Variants in CROCC2 observed in about 807,000 individuals in gnomAD.
CROCC2 encodes the protein ciliary rootlet coiled-coil, rootletin family member 2, also known as ciliary rootlet coiled-coil protein 2.
CROCC2 carries 163 observed loss-of-function variants against 177.6 expected under a neutral mutation model. That is an observed-to-expected ratio of 0.92 (90% CI 0.81 to 1.05). The LOEUF (loss-of-function observed/expected upper bound fraction) is 1.05. Among genes scored for constraint, CROCC2 ranks in the 50% least tolerant of loss-of-function variants. The pLI, the probability that CROCC2 is intolerant of heterozygous loss-of-function variation, is 0.00. For synonymous variants in CROCC2, 904 were observed against 787.3 expected (o/e 1.15, Z -2.48); for missense variants, 1,929 against 1,797.8 (o/e 1.07, Z -1.32).
intron 5 of CROCC2, among the ~76,000 whole-genome samples, chr2:240,927,113 T>C (rs566401184): frequency 4.6e-5 from 7 of 152,224 alleles, no homozygotes; most frequent in Non-Finnish European, 8.8e-5. Flanking sequence ...CTTAAAGATA[T>C]GCTTTCTCTT....
chr2:240,931,575 T>C (rs756733620), intron 7 of CROCC2, among the ~76,000 whole-genome samples: 3 of 152,186 alleles, frequency 2.0e-5, no homozygotes, highest in Non-Finnish European at 4.4e-5. Flanking sequence ...GCCGTGATTG[T>C]GGAAGGTTTT....
chr2:240,925,155 A>C (rs1222920571), intron 4 of CROCC2, among the ~76,000 whole-genome samples: 1 of 152,208 alleles, frequency 6.6e-6, no homozygotes, highest in Admixed American at 6.5e-5. Flanking sequence ...AGTGCTGAGA[A>C]ACTTTTGAAA....
At chr2:240,968,293 G>A (rs1312546551) in intron 27 of CROCC2, 31 bp downstream of exon 27, 1 of 1,510,934 alleles carries the variant, frequency 6.6e-7, no homozygotes, top group South Asian at 1.2e-5. Context: ...GGTCCCAGGT[G>A]GGGCACAAGA....
intron 26 of CROCC2, 159 bp downstream of exon 26, chr2:240,967,624 G>A (rs2059691960): frequency 1.0e-6 from 1 of 974,072 alleles, no homozygotes; most frequent in African/African-American, 1.8e-5. Flanking sequence ...TGGCGAGGCT[G>A]GGTCAGCGCT....
At chr2:240,929,103 A>G (rs2059411883) in intron 5 of CROCC2, among the ~76,000 whole-genome samples, 1 of 152,020 alleles carries the variant, frequency 6.6e-6, no homozygotes, top group Non-Finnish European at 1.5e-5. Context: ...CGGAGGGTGT[A>G]TGGCCAGGTG....
In CROCC2 at chr2:240,961,820, C is replaced by CATACACTA. The variant is rs1221222036; in HGVS notation, c.3088-1735_3088-1734insTACACTAA. 1.6e-3 allele frequency among the ~76,000 whole-genome samples: 48 copies of CATACACTA among 30,128 alleles called. 3 individuals are homozygous for CATACACTA. Among genetic ancestry groups the CATACACTA allele is most frequent in the Non-Finnish European group, 4.0e-3 (40 of 9,950 alleles). 19.8% of individuals were successfully genotyped at this position (30,128 alleles called of 152,430 possible). On this transcript the variant is annotated intron_variant, in intron 20 of 31. Transcript: ENST00000690015. ...TCACACATACACTCACATACACTCA[C>CATACACTA]ACACACGCACGCACACATACACTCA...
chr2:240,941,958 A>G (rs1035277420), intron 14 of CROCC2, among the ~76,000 whole-genome samples: 3 of 152,216 alleles, frequency 2.0e-5, no homozygotes, highest in African/African-American at 7.2e-5. Flanking sequence ...GCCTTCCACC[A>G]TGTGAAGGTG....
In CROCC2 at chr2:240,949,848, T is replaced by G. The variant is rs2059543229; in HGVS notation, c.2652+146T>G. ...GGGCTGGGCAAGGACCAGCTCACTC[T>G]TTATAGTTCACGTGGGCATCCAGGG... On this transcript the variant is annotated intron_variant, in intron 17 of 31. Coordinates refer to ENST00000690015, the MANE Select transcript of CROCC2 (RefSeq NM_001351305.2). This position sits in a 1 kb window ranked among gnomAD's most constrained non-coding sequence, Gnocchi z 4.5. 1.2e-6 allele frequency: 1 copy of G among 853,556 alleles called. No individual in the cohort carries two copies. Among genetic ancestry groups the G allele is most frequent in the African/African-American group, 1.7e-5 (1 of 58,304 alleles). The allele number at this position is 853,556 out of a possible 1,614,324, so 52.9% of individuals were successfully genotyped here. A position where few individuals can be genotyped will look rare whatever the true frequency, so the allele number is the denominator to read the frequency against.
intron 1 of CROCC2, among the ~76,000 whole-genome samples, chr2:240,909,399 C>T (rs771708981): frequency 3.9e-5 from 6 of 152,244 alleles, no homozygotes; most frequent in Admixed American, 6.5e-5. Flanking sequence ...ACCTGGAGCT[C>T]GGCCAGCTCT....
chr2:240,955,658 A>AAGGGCCC (rs963504181), intron 18 of CROCC2, among the ~76,000 whole-genome samples: 3 of 152,152 alleles, frequency 2.0e-5, no homozygotes, highest in Non-Finnish European at 2.9e-5. Flanking sequence ...CAGAGGGTGA[A>AAGGGCCC]AGGGCCCAGG....
intron 5 of CROCC2, among the ~76,000 whole-genome samples, chr2:240,926,716 C>T (rs1273773363): frequency 6.6e-6 from 1 of 152,250 alleles, no homozygotes; most frequent in Admixed American, 6.5e-5. Flanking sequence ...CACTCGCCCC[C>T]GAGGTCCCAG....
intron 1 of CROCC2, among the ~76,000 whole-genome samples, chr2:240,916,507 T>G (rs1176794011): frequency 4.0e-5 from 2 of 49,424 alleles, no homozygotes; most frequent in Non-Finnish European, 7.9e-5. Flanking sequence ...CGCTCCCCGC[T>G]CCCCCCGTGT....
intron 26 of CROCC2, 148 bp downstream of exon 26, chr2:240,967,613 C>A: frequency 6.8e-7 from 1 of 1,471,778 alleles, no homozygotes; most frequent in Non-Finnish European, 9.1e-7. Context: ...ACCACCAGGC[C>A]TGGCGAGGCT....
chr2:240,934,113 C>A (rs1221825894), intron 11 of CROCC2, among the ~76,000 whole-genome samples: 1 of 152,100 alleles, frequency 6.6e-6, no homozygotes, highest in Non-Finnish European at 1.5e-5. Flanking sequence ...TGGGGCCCCA[C>A]CCCTCCCGTC....
At chr2:240,925,322 C>T (rs114274715) in intron 4 of CROCC2, among the ~76,000 whole-genome samples, 41 of 152,258 alleles carry the variant, frequency 2.7e-4, no homozygotes, top group African/African-American at 9.1e-4. Flanking sequence ...CAGCAGAAGC[C>T]GTCCCCCACC....
intron 4 of CROCC2, among the ~76,000 whole-genome samples, 160 bp downstream of exon 4, chr2:240,922,805 A>C (rs1451343932): frequency 6.6e-6 from 1 of 152,068 alleles, no homozygotes; most frequent in Non-Finnish European, 1.5e-5. Flanking sequence ...ATGGCCTGGC[A>C]GGGCAGGGCA....
intron 14 of CROCC2, among the ~76,000 whole-genome samples, chr2:240,944,771 A>G (rs191393363): frequency 1.6e-4 from 24 of 152,202 alleles, no homozygotes; most frequent in Admixed American, 5.2e-4. Flanking sequence ...GAGGATCTAT[A>G]TCTATTTTCT....
chr2:240,928,103 TTG>T (rs1225508509), intron 5 of CROCC2, among the ~76,000 whole-genome samples: 1 of 152,264 alleles, frequency 6.6e-6, no homozygotes, highest in East Asian at 1.9e-4. Flanking sequence ...CTTTGTTTCC[TTG>T]TGCCTTTGGT....
chr2:240,935,498 C>A lies in CROCC2; in HGVS notation c.2079C>A (p.Cys693Ter), dbSNP rs989354349. 3.7e-6 allele frequency: 5 copies of A among 1,342,586 alleles called. No homozygotes were observed. The highest frequency in any genetic ancestry group is 4.8e-6 in the Non-Finnish European group (5 of 1,043,396). The allele number at this position is 1,342,586 out of a possible 1,614,324, so 83.2% of individuals were successfully genotyped here. The change falls in exon 14 of 32, where the codon TGC (cysteine) becomes TGA (stop). Residue 693 changes from cysteine to a stop codon, truncating the protein, a stop_gained. Coordinates refer to ENST00000690015, the MANE Select transcript of CROCC2 (RefSeq NM_001351305.2). LOFTEE classifies it high-confidence loss of function. ...RAERRGLQQA[C>*]GRLEQRQEQL... is the part of the protein sequence containing the mutation. ...AGCGCAGGGGCCTGCAGCAGGCCTG[C>A]GGACGCCTGGAGCAGCGGCAGGAGC...
Sources: allele counts gnomAD v4.1 joint callset (sites outside exome capture counted in the v4.1 genomes callset), GRCh38; gene constraint gnomAD v4.1.1; non-coding constraint Gnocchi (gnomAD v3.1); transcripts MANE v1.5; gene names NCBI Gene and HGNC (gene_info 2026-07-23, HGNC 2026-07-21).